ATPAF2: variants seen among roughly 807,000 people sequenced by gnomAD.
The protein encoded by ATPAF2 is ATP12 homolog.
A neutral mutation model predicts 36.6 loss-of-function variants in ATPAF2; 30 were observed. That is an observed-to-expected ratio of 0.82 (90% CI 0.61 to 1.11). ATPAF2 has a LOEUF of 1.11. ATPAF2 is among the 50% of genes most tolerant of loss of function. The probability of loss-of-function intolerance (pLI) is 0.00; values close to 1 mark genes in which losing one functional copy is unlikely to be tolerated. For missense variants in ATPAF2, 321 were observed against 372.3 expected (o/e 0.86, Z 1.13); for synonymous variants, 140 against 152.6 (o/e 0.92, Z 0.61).
At chr17:18,021,098 C>A in intron 7 of ATPAF2, 25 bp downstream of exon 7, 1 of 1,600,292 alleles carries the variant, frequency 6.2e-7, no homozygotes, top group Admixed American at 1.7e-5. Context: ...AAGGGGGAGG[C>A]GGGACCTGAG....
intron 2 of ATPAF2, 42 bp downstream of exon 2, chr17:18,028,573 A>C (rs1193295697): frequency 1.5e-6 from 2 of 1,357,834 alleles, no homozygotes; most frequent in Non-Finnish European, 2.0e-6. Flanking sequence ...CCATTCACAA[A>C]AAAAAAAAAA....
intron 6 of ATPAF2, 100 bp from the exon 7 acceptor site, chr17:18,021,338 G>C: frequency 2.2e-6 from 2 of 891,570 alleles, no homozygotes; most frequent in South Asian, 2.8e-5. Context: ...GGAGTGAGTG[G>C]TGCAAAGAGC....
At chr17:18,029,953 A>G (rs1252484236) in intron 1 of ATPAF2, among the ~76,000 whole-genome samples, 1 of 149,664 alleles carries the variant, frequency 6.7e-6, no homozygotes, top group Non-Finnish European at 1.5e-5. Context: ...TTGGGAGGCC[A>G]AGGTGGGAAG....
At chr17:18,027,488 T>C (rs1033227664) in intron 3 of ATPAF2, among the ~76,000 whole-genome samples, 5 of 152,174 alleles carry the variant, frequency 3.3e-5, no homozygotes. Context: ...CTTTCTTGCA[T>C]CATCTCATCT....
At chr17:18,028,804 A>C in intron 1 of ATPAF2, 145 bp from the exon 2 acceptor site, 1 of 792,590 alleles carries the variant, frequency 1.3e-6, no homozygotes, top group East Asian at 2.5e-5. Context: ...CCTACTCAAC[A>C]CGGTATAATC....
chr17:18,018,473 A>G lies in ATPAF2; in HGVS notation c.*76T>C. Reference sequence around the variant, plus strand: ...CAAAAGCCAAGGAAGCCAGCCCCACAGGCTGGGGAGCCCTGAAGGCCGGGG... The same window carrying G: ...CAAAAGCCAAGGAAGCCAGCCCCACGGGCTGGGGAGCCCTGAAGGCCGGGG... On this transcript the variant is annotated 3_prime_UTR_variant, in exon 8 of 8. Transcript: ENST00000474627. 2 of 1,596,722 alleles carry G rather than the reference A, an allele frequency of 1.3e-6. No individual in the cohort carries two copies. Among genetic ancestry groups the G allele is most frequent in the Non-Finnish European group, 1.7e-6 (2 of 1,174,072 alleles).
At chr17:18,016,547 T>A, downstream of ATPAF2, 1 of 1,595,668 alleles carries the variant, frequency 6.3e-7, no homozygotes, top group Non-Finnish European at 8.6e-7. Context: ...GGCTTTGGTT[T>A]CACTCCTCAG....
chr17:18,037,693 T>C (rs899427976), intron 1 of ATPAF2, among the ~76,000 whole-genome samples: 3 of 152,190 alleles, frequency 2.0e-5, no homozygotes, highest in Non-Finnish European at 4.4e-5. Context: ...AGGAAGTAGT[T>C]GCATGCCCAA....
In ATPAF2 at chr17:18,037,821, T is replaced by A. The variant is rs113131638; in HGVS notation, c.133+1060A>T. Among the ~76,000 whole-genome samples, 1,509 of 152,250 alleles carry A rather than the reference T, an allele frequency of 9.9e-3. 22 individuals carry two copies. Among genetic ancestry groups the A allele is most frequent in the African/African-American group, 0.035 (1,452 of 41,532 alleles). On this transcript the variant is annotated intron_variant, in intron 1 of 7. Transcript: ENST00000474627. ...TAAAACAGGCAGTGTCAGGGAAAAGTCCCTCATACCTTGCTGTCACCCTGG... is the reference window on the plus strand; with the variant it reads ...TAAAACAGGCAGTGTCAGGGAAAAGACCCTCATACCTTGCTGTCACCCTGG...
chr17:18,016,017 C>A (rs369426371), downstream of ATPAF2: 1 of 1,600,942 alleles, frequency 6.2e-7, no homozygotes, highest in South Asian at 1.1e-5. Context: ...TTTGTGTTCA[C>A]GGTATAATGA....
At chr17:18,034,105 C>T (rs976800358) in intron 1 of ATPAF2, among the ~76,000 whole-genome samples, 5 of 151,828 alleles carry the variant, frequency 3.3e-5, no homozygotes, top group Admixed American at 2.0e-4. Context: ...GGCAACAGAC[C>T]GAGGCCCTGT....
intron 1 of ATPAF2, among the ~76,000 whole-genome samples, chr17:18,029,034 G>A (rs118019056): frequency 6.6e-6 from 1 of 152,300 alleles, no homozygotes; most frequent in East Asian, 1.9e-4. Flanking sequence ...GACAAAGCTA[G>A]AGACCCATTT....
intron 1 of ATPAF2, among the ~76,000 whole-genome samples, chr17:18,038,361 A>C (rs908133152): frequency 6.6e-6 from 1 of 152,206 alleles, no homozygotes; most frequent in Non-Finnish European, 1.5e-5. Flanking sequence ...TCTATTTAGG[A>C]GAGAAGGCTG....
intron 3 of ATPAF2, chr17:18,027,974 C>A: frequency 1.9e-6 from 1 of 529,772 alleles, no homozygotes; most frequent in Non-Finnish European, 3.4e-6. Flanking sequence ...GCTGGGCAGT[C>A]AATGAAGGTG....
intron 4 of ATPAF2, chr17:18,024,982 G>T: frequency 2.1e-6 from 1 of 469,554 alleles, no homozygotes; most frequent in Non-Finnish European, 3.9e-6. Flanking sequence ...CCCTCTAGGG[G>T]ATTCTAGTGT....
intron 7 of ATPAF2, 129 bp downstream of exon 7, chr17:18,020,994 G>T (rs774975211): frequency 1.4e-6 from 2 of 1,464,086 alleles, no homozygotes; most frequent in Non-Finnish European, 1.8e-6. Flanking sequence ...CCTTGATTTT[G>T]ATTTCTGCGT....
In ATPAF2 at chr17:18,028,698, C is replaced by T. The variant is rs371447651; in HGVS notation, c.134-39G>A. 14 of 1,591,938 alleles carry T rather than the reference C, an allele frequency of 8.8e-6. No individual in the cohort carries two copies. The African/African-American group carries it at 1.2e-4, about 14-fold the overall frequency. On this transcript the variant is annotated intron_variant, in intron 1 of 7. Transcript: ENST00000474627. ...TTTTCAAAGAGGCAGTTTAAAATAA[C>T]GTTGAGACAACTCAGGAAGCGACAG... is the stretch of plus-strand genomic sequence containing the variant.
At chr17:18,029,635 G>A (rs1056736480) in intron 1 of ATPAF2, among the ~76,000 whole-genome samples, 2 of 151,222 alleles carry the variant, frequency 1.3e-5, no homozygotes, top group African/African-American at 2.4e-5. Context: ...CTCTTGCCCA[G>A]GCTGGAGTGT....
downstream of ATPAF2, chr17:18,016,889 A>AT (rs1231564609): frequency 1.4e-5 from 5 of 364,216 alleles, no homozygotes; most frequent in Non-Finnish European, 2.5e-5. Context: ...AAAAAAAAAA[A>AT]TCAGCTGGGT....
Sources: gnomAD v4.1 joint callset for allele counts (sites outside exome capture counted in the v4.1 genomes callset) on GRCh38, gnomAD v4.1.1 for gene constraint, MANE v1.5 for transcripts, NCBI Gene and HGNC (gene_info 2026-07-23, HGNC 2026-07-21) for gene names.